The following CNOT10 variants were observed in gnomAD, a reference collection of about 807,000 sequenced individuals.
The protein encoded by CNOT10 is CCR4-NOT transcription complex subunit 10.
In CNOT10, 30 loss-of-function variants were observed where a neutral mutation model predicts 94.6. The ratio of observed to expected loss-of-function variants is 0.32; its 90% CI spans 0.24 to 0.43. The LOEUF (loss-of-function observed/expected upper bound fraction) is 0.43. Ranked by LOEUF, CNOT10 falls within the 20% of genes least tolerant of loss-of-function variation. CNOT10 has a pLI of 1.00. For synonymous variants in CNOT10, 289 were observed against 301.6 expected, an observed-to-expected ratio of 0.96 and a Z score of 0.43; for missense variants, 759 against 877.2, an observed-to-expected ratio of 0.87 and a Z score of 1.70.
intron 13 of CNOT10, among the ~76,000 whole-genome samples, chr3:32,739,771 A>C (rs1244414088): frequency 2.0e-5 from 3 of 152,118 alleles, no homozygotes; most frequent in Non-Finnish European, 4.4e-5. Context: ...CTAAAAATAC[A>C]AAAGTTGGCC....
intron 13 of CNOT10, 102 bp from the exon 14 acceptor site, chr3:32,759,356 T>C: frequency 1.3e-6 from 1 of 759,208 alleles, no homozygotes; most frequent in Admixed American, 2.2e-5. Flanking sequence ...TTTCCTGGTG[T>C]CCAGATTGTC....
intron 13 of CNOT10, among the ~76,000 whole-genome samples, chr3:32,744,144 G>A (rs1321016942): frequency 1.3e-5 from 2 of 152,206 alleles, no homozygotes; most frequent in Admixed American, 6.6e-5. Context: ...GCAGTTGGGT[G>A]TGTTAAAGGG....
chr3:32,728,866 C>T lies in CNOT10; in HGVS notation c.1215+996C>T, dbSNP rs546044456. On this transcript the variant is annotated intron_variant, in intron 10 of 18. Coordinates refer to ENST00000328834, the MANE Select transcript of CNOT10 (RefSeq NM_015442.3). ...CTGTAATCCCAGCACTTTGGGAGGC[C>T]GAGGCGGGTGGATCACGAGGTCAGG... 1.1e-4 allele frequency among the ~76,000 whole-genome samples: 16 copies of T among 151,540 alleles called. No individual in the cohort carries two copies. The East Asian group carries it at 3.2e-3, about 30-fold the overall frequency.
chr3:32,689,587 C>G (rs1357286533), intron 1 of CNOT10, among the ~76,000 whole-genome samples: 1 of 152,144 alleles, frequency 6.6e-6, no homozygotes, highest in African/African-American at 2.4e-5. Flanking sequence ...CCCTTGAATA[C>G]AAGCTCCCCG....
Position 32,720,141 on chromosome 3 carries a change from A to G in CNOT10, c.772A>G (p.Asn258Asp). 6.5e-7 allele frequency: 1 copy of G among 1,538,602 alleles called. No individual in the cohort carries two copies. Among genetic ancestry groups the G allele is most frequent in the Non-Finnish European group, 8.9e-7 (1 of 1,126,394 alleles). ...NSAPSLFLKS[N>D]FEYLRGNYRK... ...CGCACCCTCTCTCTTTCTTAAAAGC[A>G]ATTTTGAGTACTTAAGAGGTAATTA... The change falls in exon 8 of 19, where the codon AAT (asparagine) becomes GAT (aspartate). Residue 258 changes from asparagine (N) to aspartate (D), a missense_variant. Coordinates refer to ENST00000328834, the MANE Select transcript of CNOT10 (RefSeq NM_015442.3).
At chr3:32,686,837 A>C (rs888333628) in intron 1 of CNOT10, among the ~76,000 whole-genome samples, 1 of 152,318 alleles carries the variant, frequency 6.6e-6, no homozygotes, top group South Asian at 2.1e-4. Context: ...CCAGTTTTCA[A>C]ATCCTCAGTC....
At chr3:32,711,011 C>G (rs533092929) in intron 4 of CNOT10, among the ~76,000 whole-genome samples, 1 of 152,200 alleles carries the variant, frequency 6.6e-6, no homozygotes, top group Non-Finnish European at 1.5e-5. Flanking sequence ...AACCACCATG[C>G]CTAGCCAGTA....
At chr3:32,734,470 GC>G (rs1370162513) in intron 11 of CNOT10, among the ~76,000 whole-genome samples, 1 of 152,064 alleles carries the variant, frequency 6.6e-6, no homozygotes, top group East Asian at 1.9e-4. Flanking sequence ...ACCTCTCCTT[GC>G]CCTCATTACA....
intron 8 of CNOT10, among the ~76,000 whole-genome samples, chr3:32,724,041 C>G (rs1698539534): frequency 6.6e-6 from 1 of 152,092 alleles, no homozygotes; most frequent in Non-Finnish European, 1.5e-5. Context: ...AATTATGCCA[C>G]TGCACTGTAG....
At chr3:32,727,917 T>TA (rs1354561771) in intron 10 of CNOT10, 47 bp downstream of exon 10, 1 of 1,355,736 alleles carries the variant, frequency 7.4e-7, no homozygotes, top group East Asian at 2.3e-5. Context: ...TCTCCCCACT[T>TA]ACTACATGGA....
At chr3:32,686,013 A>G (rs1197669906) in intron 1 of CNOT10, among the ~76,000 whole-genome samples, 1 of 152,122 alleles carries the variant, frequency 6.6e-6, no homozygotes, top group East Asian at 1.9e-4. Context: ...TCTGGGCCCA[A>G]GCGATCCTTC....
chr3:32,697,512 C>G (rs1406849476), intron 1 of CNOT10, among the ~76,000 whole-genome samples: 1 of 151,926 alleles, frequency 6.6e-6, no homozygotes. Flanking sequence ...ACTCTGTCAC[C>G]CAGGCTGGAG....
chr3:32,693,543 C>CT (rs374393225), intron 1 of CNOT10: 2,950 of 136,936 alleles, frequency 0.022, 40 homozygotes, highest in South Asian at 0.051. Flanking sequence ...ATATATTGGT[C>CT]TTTTTTTTTT....
chr3:32,690,414 T>A (rs114290217), intron 1 of CNOT10, among the ~76,000 whole-genome samples: 7,626 of 152,278 alleles, frequency 0.05, 426 homozygotes, highest in African/African-American at 0.13. Flanking sequence ...AGACAGGGTC[T>A]CACTCTTTCA....
intron 8 of CNOT10, among the ~76,000 whole-genome samples, chr3:32,724,606 G>A (rs1180025156): frequency 6.6e-6 from 1 of 152,098 alleles, no homozygotes; most frequent in Non-Finnish European, 1.5e-5. Flanking sequence ...TAGAGACGGG[G>A]TTTCACCATG....
intron 17 of CNOT10, 136 bp from the exon 18 acceptor site, chr3:32,769,751 A>T (rs1332203077): frequency 5.9e-6 from 4 of 677,184 alleles, no homozygotes; most frequent in Non-Finnish European, 1.1e-5. Flanking sequence ...ATCAGAGCAG[A>T]ACAACAGGTA....
chr3:32,711,914 T>G (rs1697907121), intron 4 of CNOT10, among the ~76,000 whole-genome samples: 1 of 152,262 alleles, frequency 6.6e-6, no homozygotes. Flanking sequence ...GCACACCAGC[T>G]GTGTTAATTT....
chr3:32,772,233 C>T (rs960875803), intron 18 of CNOT10, among the ~76,000 whole-genome samples: 3 of 152,192 alleles, frequency 2.0e-5, no homozygotes, highest in African/African-American at 7.2e-5. Context: ...AGTTGTAGTT[C>T]CAGCTACTCA....
In CNOT10 at chr3:32,762,822, C is replaced by T; in HGVS notation, c.1799C>T (p.Thr600Ile). Reference sequence around the variant, plus strand: ...ACTCACTTGAACCCGGAGAATGTCACTGATGTCTCCTTAGGGATCTCTTCA... The same window carrying T: ...ACTCACTTGAACCCGGAGAATGTCATTGATGTCTCCTTAGGGATCTCTTCA... ...AITHLNPENV[T>I]DVSLGISSNE... The change falls in exon 15 of 19, where the codon ACT becomes ATT. Residue 600 changes from threonine (T) to isoleucine (I), a missense_variant. Physicochemically the swap from Thr to Ile is moderately conservative, Grantham distance 89. This residue lies in a region of CNOT10 where 682 missense variants were observed against 799.4 expected (regional missense o/e 0.85). Coordinates refer to ENST00000328834, the MANE Select transcript of CNOT10 (RefSeq NM_015442.3). 6.3e-7 allele frequency: 1 copy of T among 1,585,340 alleles called. No individual in the cohort carries two copies. The highest frequency in any genetic ancestry group is 8.5e-7 in the Non-Finnish European group (1 of 1,171,550).
Sources: allele counts gnomAD v4.1 joint callset (sites outside exome capture counted in the v4.1 genomes callset), GRCh38; gene constraint gnomAD v4.1.1; regional missense constraint gnomAD v4.1.1; transcripts MANE v1.5; gene names NCBI Gene and HGNC (gene_info 2026-07-23, HGNC 2026-07-21).